The following DGKB variants were observed in gnomAD, a reference collection of about 807,000 sequenced individuals.
DGKB encodes diacylglycerol kinase beta.
A neutral mutation model predicts 114.3 loss-of-function variants in DGKB; 67 were observed. The ratio of observed to expected loss-of-function variants is 0.59; its 90% CI spans 0.48 to 0.72. The LOEUF (loss-of-function observed/expected upper bound fraction) is 0.72, where lower values mean the gene tolerates loss of function less well. DGKB is among the 30% of genes least tolerant of loss of function. The pLI, the probability that DGKB is intolerant of heterozygous loss-of-function variation, is 0.00. For synonymous variants in DGKB, 398 were observed against 323.1 expected (o/e 1.23, Z -2.49); for missense variants, 907 against 975.2 (o/e 0.93, Z 0.93).
chr7:14,600,155 G>C (rs1206099460), intron 17 of DGKB, among the ~76,000 whole-genome samples: 1 of 152,118 alleles, frequency 6.6e-6, no homozygotes, highest in Non-Finnish European at 1.5e-5. Context: ...TCCACTCATG[G>C]CAGAGGGATG....
At chr7:14,855,277 C>T (rs1200511650) in intron 1 of DGKB, among the ~76,000 whole-genome samples, 1 of 152,198 alleles carries the variant, frequency 6.6e-6, no homozygotes, top group Non-Finnish European at 1.5e-5. Flanking sequence ...CTAAATCACA[C>T]AGTGACATTG....
intron 1 of DGKB, among the ~76,000 whole-genome samples, chr7:14,957,441 T>C (rs1466379856): frequency 6.6e-6 from 1 of 151,942 alleles, no homozygotes; most frequent in Non-Finnish European, 1.5e-5. Flanking sequence ...ATAACTGAGG[T>C]ACAAAAGAGC....
At chr7:14,871,995 T>C (rs923674704) in intron 1 of DGKB, among the ~76,000 whole-genome samples, 2 of 152,150 alleles carry the variant, frequency 1.3e-5, no homozygotes, top group Non-Finnish European at 2.9e-5. Context: ...TACAGCGATC[T>C]TCAAGACAGA....
chr7:14,383,688 C>T (rs1819857308), intron 21 of DGKB, among the ~76,000 whole-genome samples: 1 of 152,190 alleles, frequency 6.6e-6, no homozygotes. Flanking sequence ...ACTGAGTCAA[C>T]TTTCTTTAAG....
intron 14 of DGKB, among the ~76,000 whole-genome samples, chr7:14,623,909 A>G (rs1808100821): frequency 6.6e-6 from 1 of 152,132 alleles, no homozygotes; most frequent in African/African-American, 2.4e-5. Context: ...TATGTAACCT[A>G]GAGGGTTTAT....
At chr7:14,965,864 A>G (rs971038953) in intron 1 of DGKB, among the ~76,000 whole-genome samples, 3 of 152,214 alleles carry the variant, frequency 2.0e-5, no homozygotes, top group Middle Eastern at 6.8e-3. Context: ...ACACATAGGC[A>G]TACTCTAAAA....
intron 9 of DGKB, among the ~76,000 whole-genome samples, chr7:14,690,642 A>G (rs1822666970): frequency 6.6e-6 from 1 of 152,238 alleles, no homozygotes. Context: ...CTGCGATTGC[A>G]TTTGTGCTGG....
intron 20 of DGKB, among the ~76,000 whole-genome samples, chr7:14,555,112 G>A (rs1380959421): frequency 6.6e-6 from 1 of 151,846 alleles, no homozygotes; most frequent in Non-Finnish European, 1.5e-5. Context: ...TAATCTATTT[G>A]ATGTATATTT....
chr7:14,240,310 T>A (rs1217393916), intron 23 of DGKB, among the ~76,000 whole-genome samples: 2 of 152,098 alleles, frequency 1.3e-5, no homozygotes, highest in Admixed American at 1.3e-4. Flanking sequence ...GTAGTACTTG[T>A]GAAAAGTCAT....
chr7:14,880,291 C>T (rs944635150), intron 1 of DGKB, among the ~76,000 whole-genome samples: 1 of 152,060 alleles, frequency 6.6e-6, no homozygotes, highest in East Asian at 1.9e-4. Flanking sequence ...AACCCTGTCT[C>T]TACTAAAAAT....
At chr7:14,859,419 C>A (rs56042030) in intron 1 of DGKB, among the ~76,000 whole-genome samples, 2,854 of 152,020 alleles carry the variant, frequency 0.019, 26 homozygotes, top group Admixed American at 0.029. Context: ...CAGAAACGGA[C>A]TATATAGGTG....
Position 14,473,617 on chromosome 7 carries a change from T to C in DGKB, c.1835+4544A>G, listed in dbSNP as rs529680245. 9.9e-5 allele frequency among the ~76,000 whole-genome samples: 15 copies of C among 152,212 alleles called. No individual in the cohort carries two copies. The South Asian group carries it at 2.7e-3, about 27-fold the overall frequency. On this transcript the variant is annotated intron_variant, in intron 21 of 25. Transcript: ENST00000402815. ...AGATCCACCGACAGCTTGCACCATG[T>C]ACCTGGAGAAGCCCCAGACACTCAA...
intron 13 of DGKB, among the ~76,000 whole-genome samples, chr7:14,671,384 G>A (rs577180606): frequency 2.2e-4 from 34 of 152,010 alleles, no homozygotes; most frequent in Non-Finnish European, 4.3e-4. Flanking sequence ...CCACAAAAAT[G>A]GTAAACAACA....
At chr7:14,666,952 A>C (rs1016106349) in intron 13 of DGKB, among the ~76,000 whole-genome samples, 1 of 151,944 alleles carries the variant, frequency 6.6e-6, no homozygotes, top group Non-Finnish European at 1.5e-5. Flanking sequence ...TCATTGTTTA[A>C]TTTTTATTTG....
intron 2 of DGKB, among the ~76,000 whole-genome samples, chr7:14,765,181 G>T (rs1323699882): frequency 6.6e-6 from 1 of 151,914 alleles, no homozygotes; most frequent in Non-Finnish European, 1.5e-5. Context: ...AGTGGGAAAA[G>T]CTGTACAAAA....
At chr7:14,275,491 T>C (rs1045095299) in intron 23 of DGKB, among the ~76,000 whole-genome samples, 1 of 152,220 alleles carries the variant, frequency 6.6e-6, no homozygotes, top group Non-Finnish European at 1.5e-5. Flanking sequence ...TAGCTTTTCA[T>C]GCAGACAGAG....
rs535611458 is a variant in DGKB, at chr7:14,152,840, C to A, written c.2305-3602G>T. The stretch of plus-strand genomic sequence containing the variant: ...CTCATAGTTGTAATGTTAAGAATAA[C>A]AGCCAGAATAAAAAATAACGTTGAT... On this transcript the variant is annotated intron_variant, in intron 25 of 25. Coordinates refer to ENST00000402815, the MANE Select transcript of DGKB (RefSeq NM_001350709.2). 5.9e-5 allele frequency among the ~76,000 whole-genome samples: 9 copies of A among 152,156 alleles called. No individual in the cohort carries two copies. The East Asian group carries it at 1.7e-3, about 29-fold the overall frequency.
chr7:14,245,089 T>C (rs1584695104), intron 23 of DGKB, among the ~76,000 whole-genome samples: 1 of 152,082 alleles, frequency 6.6e-6, no homozygotes, highest in Non-Finnish European at 1.5e-5. Flanking sequence ...GAAGATGTCA[T>C]GAGTAAATCT....
At position 14,257,365 on chromosome 7, in the gene DGKB, G is replaced by A. The variant is rs147569103; in HGVS notation, c.2123-79214C>T. 2.9e-3 allele frequency among the ~76,000 whole-genome samples: 437 copies of A among 152,144 alleles called. 1 individual carries two copies. Among genetic ancestry groups the A allele is most frequent in the Non-Finnish European group, 4.6e-3 (316 of 68,016 alleles). On this transcript the variant is annotated intron_variant, in intron 23 of 25. Coordinates refer to ENST00000402815, the MANE Select transcript of DGKB (RefSeq NM_001350709.2). ...GACTGTAAGTGGTGTCAATACAAAA[G>A]AATGCCATTCTTTATTTGGAAGAGT...
Sources: gnomAD v4.1 joint callset for allele counts (sites outside exome capture counted in the v4.1 genomes callset) on GRCh38, gnomAD v4.1.1 for gene constraint, MANE v1.5 for transcripts, NCBI Gene and HGNC (gene_info 2026-07-23, HGNC 2026-07-21) for gene names.